WDR70: variants seen among roughly 807,000 people sequenced by gnomAD.
WDR70 encodes the protein WD repeat domain 70, also known as WD repeat-containing protein 70.
WDR70 carries 53 observed loss-of-function variants against 88.6 expected under a neutral mutation model. The observed-to-expected ratio is 0.60, with a 90% CI of 0.48 to 0.75. The LOEUF (loss-of-function observed/expected upper bound fraction) is 0.75, where lower values mean the gene tolerates loss of function less well. WDR70 is among the 30% of genes least tolerant of loss of function. The probability of loss-of-function intolerance (pLI) is 0.00; values close to 1 mark genes in which losing one functional copy is unlikely to be tolerated. For missense variants in WDR70, 610 were observed against 823.2 expected, an observed-to-expected ratio of 0.74 and a Z score of 3.17; for synonymous variants, 280 against 270.0, an observed-to-expected ratio of 1.04 and a Z score of -0.36.
intron 15 of WDR70, 176 bp downstream of exon 15, chr5:37,723,110 AC>A: frequency 1.5e-6 from 1 of 668,474 alleles, no homozygotes; most frequent in Non-Finnish European, 2.6e-6. Flanking sequence ...GGCTTCTGTG[AC>A]TCATCACAGG....
chr5:37,697,779 T>C, intron 11 of WDR70, 25 bp downstream of exon 11: 2 of 1,551,322 alleles, frequency 1.3e-6, no homozygotes, highest in Non-Finnish European at 1.8e-6. Context: ...TTCTTTTTGA[T>C]GTATTTCTCT....
chr5:37,714,488 A>C (rs1369502777), intron 13 of WDR70, among the ~76,000 whole-genome samples: 2 of 150,948 alleles, frequency 1.3e-5, no homozygotes, highest in East Asian at 4.0e-4. Flanking sequence ...ATAATATGTC[A>C]TATAAACAGA....
In WDR70 at chr5:37,673,585, C is replaced by CCG. The variant is rs1554010668; in HGVS notation, c.1093-24069_1093-24068insGC. Among the ~76,000 whole-genome samples the CCG allele has an allele frequency of 1.9e-4, 18 of 93,828 alleles. 1 individual carries two copies. The highest frequency in any genetic ancestry group is 1.5e-3 in the East Asian group (4 of 2,674). 61.6% of individuals were successfully genotyped at this position (93,828 alleles called of 152,430 possible). On this transcript the variant is annotated intron_variant, in intron 10 of 17. Transcript: ENST00000265107. Reference sequence around the variant, plus strand: ...CCTGCTATTTTTTGACTTTTCTTACCCCCCCCCCACCCTTTTTTTTTCTTT... The same window carrying CCG: ...CCTGCTATTTTTTGACTTTTCTTACCCGCCCCCCCCACCCTTTTTTTTTCTTT...
chr5:37,638,452 T>C (rs1189227603), intron 10 of WDR70, among the ~76,000 whole-genome samples: 1 of 152,204 alleles, frequency 6.6e-6, no homozygotes, highest in South Asian at 2.1e-4. Flanking sequence ...TCCGGACTTG[T>C]CAGGAGGACC....
chr5:37,410,193 GTT>G (rs952637754), intron 5 of WDR70, among the ~76,000 whole-genome samples: 3 of 119,450 alleles, frequency 2.5e-5, no homozygotes, highest in African/African-American at 6.2e-5. Flanking sequence ...GAGTTTGTTA[GTT>G]TTTTTTTTTT....
Position 37,425,594 on chromosome 5 carries a change from T to A in WDR70, c.493-12328T>A, listed in dbSNP as rs73070409. Among the ~76,000 whole-genome samples, 1,315 of 152,228 alleles carry A rather than the reference T, an allele frequency of 8.6e-3. 22 individuals carry two copies. The highest frequency in any genetic ancestry group is 0.03 in the African/African-American group (1,244 of 41,520). On this transcript the variant is annotated intron_variant, in intron 5 of 17. Coordinates refer to ENST00000265107, the MANE Select transcript of WDR70 (RefSeq NM_018034.4). ...GAACAAGAGGGAGAGAAGGAGGAGA[T>A]GACTGACATCAGAACACTAACAGGA...
chr5:37,712,181 C>T (rs1039076032), intron 13 of WDR70, among the ~76,000 whole-genome samples: 1 of 151,860 alleles, frequency 6.6e-6, no homozygotes, highest in South Asian at 2.1e-4. Flanking sequence ...TTAGTAGAGA[C>T]GGAGTTTCAC....
chr5:37,523,389 G>A (rs1259489688), intron 9 of WDR70, among the ~76,000 whole-genome samples: 2 of 152,204 alleles, frequency 1.3e-5, no homozygotes, highest in African/African-American at 4.8e-5. Flanking sequence ...TGGACCTCCA[G>A]TAAACTCCAA....
At chr5:37,490,353 T>C (rs1286593285) in intron 8 of WDR70, among the ~76,000 whole-genome samples, 1 of 151,924 alleles carries the variant, frequency 6.6e-6, no homozygotes, top group Admixed American at 6.5e-5. Flanking sequence ...AATGAACAGC[T>C]CTGCTAAGGG....
At chr5:37,591,972 C>T (rs1451105675) in intron 9 of WDR70, among the ~76,000 whole-genome samples, 1 of 152,148 alleles carries the variant, frequency 6.6e-6, no homozygotes, top group African/African-American at 2.4e-5. Context: ...AAAAATCCAG[C>T]ATTCATTCAT....
intron 9 of WDR70, among the ~76,000 whole-genome samples, chr5:37,532,318 A>G (rs1477602225): frequency 1.3e-5 from 2 of 152,230 alleles, no homozygotes; most frequent in Admixed American, 6.5e-5. Flanking sequence ...TAGCAAGGCC[A>G]GGGAAGTTCT....
At chr5:37,464,376 TTTGA>T (rs1393290346) in intron 7 of WDR70, among the ~76,000 whole-genome samples, 1 of 152,224 alleles carries the variant, frequency 6.6e-6, no homozygotes, top group Non-Finnish European at 1.5e-5. Context: ...ATTTTCTCAG[TTTGA>T]TTAATTGCCT....
At chr5:37,654,036 AG>A (rs1384375273) in intron 10 of WDR70, among the ~76,000 whole-genome samples, 2 of 152,040 alleles carry the variant, frequency 1.3e-5, no homozygotes, top group African/African-American at 4.8e-5. Context: ...TTGTGACGTT[AG>A]GGTGTCGATT....
chr5:37,721,101 C>G lies in WDR70; in HGVS notation c.1417-14C>G, dbSNP rs771351451. Reference sequence around the variant, plus strand: ...CTGGCCTCTTTAGTCAACCACTGCGCTTTTCCTTTGCAGAGTGTTGTTCGC... The same window carrying G: ...CTGGCCTCTTTAGTCAACCACTGCGGTTTTCCTTTGCAGAGTGTTGTTCGC... On this transcript the variant is annotated splice_polypyrimidine_tract_variant and intron_variant, in intron 13 of 17. Coordinates refer to ENST00000265107, the MANE Select transcript of WDR70 (RefSeq NM_018034.4). 6 of 1,613,186 alleles carry G rather than the reference C, an allele frequency of 3.7e-6. No individual in the cohort carries two copies. The African/African-American group carries it at 5.3e-5, about 14-fold the overall frequency.
intron 10 of WDR70, among the ~76,000 whole-genome samples, chr5:37,691,488 G>T (rs986362592): frequency 1.3e-5 from 2 of 152,136 alleles, no homozygotes; most frequent in Admixed American, 1.3e-4. Context: ...AAATGTAAAA[G>T]AACAGAAATC....
At chr5:37,685,546 C>A (rs1391843216) in intron 10 of WDR70, among the ~76,000 whole-genome samples, 1 of 152,074 alleles carries the variant, frequency 6.6e-6, no homozygotes, top group Non-Finnish European at 1.5e-5. Context: ...GTCAGACCAG[C>A]CCCATCTGAT....
chr5:37,414,627 GT>G (rs1749638371), intron 5 of WDR70, among the ~76,000 whole-genome samples: 1 of 122,758 alleles, frequency 8.1e-6, no homozygotes. Context: ...TTTTACTGCT[GT>G]ATCCTCAGTG....
At chr5:37,728,369 A>AC (rs1748051094) in intron 17 of WDR70, among the ~76,000 whole-genome samples, 1 of 151,644 alleles carries the variant, frequency 6.6e-6, no homozygotes, top group African/African-American at 2.4e-5. Context: ...AAAAACAAAA[A>AC]AAAAAAACAA....
At chr5:37,631,489 A>C (rs1744816998) in intron 10 of WDR70, among the ~76,000 whole-genome samples, 1 of 152,166 alleles carries the variant, frequency 6.6e-6, no homozygotes, top group South Asian at 2.1e-4. Flanking sequence ...TTGTGTACCC[A>C]CTGTGTACCA....
Sources: gnomAD v4.1 joint callset for allele counts (sites outside exome capture counted in the v4.1 genomes callset) on GRCh38, gnomAD v4.1.1 for gene constraint, MANE v1.5 for transcripts, NCBI Gene and HGNC (gene_info 2026-07-23, HGNC 2026-07-21) for gene names.